The following TTN variants were observed in gnomAD, a reference collection of about 807,000 sequenced individuals.
The protein encoded by TTN is connectin.
A neutral mutation model predicts 3,223.0 loss-of-function variants in TTN; 1,525 were observed. That is an observed-to-expected ratio of 0.47 (90% CI 0.45 to 0.49). The LOEUF (loss-of-function observed/expected upper bound fraction) is 0.49. Ranked by LOEUF, TTN falls within the 20% of genes least tolerant of loss-of-function variation. TTN has a pLI of 0.00. For synonymous variants in TTN, 14,094 were observed against 15,161.0 expected (o/e 0.93, Z 5.17); for missense variants, 40,786 against 43,424.0 (o/e 0.94, Z 5.40).
rs1489431674 is a variant in TTN, at chr2:178,564,247, A to G, written c.81885T>C (p.Leu27295=). The change falls in exon 326 of 363, where the codon CTT becomes CTC. Residue 27295 remains leucine (L), a synonymous_variant. Coordinates refer to ENST00000589042, the MANE Select transcript of TTN (RefSeq NM_001267550.2). ...TAGGTTTGCCACGGATGTCGGCTTC[A>G]AGAACAAAAGTCTCTCCTGCATGAA... is the stretch of plus-strand genomic sequence containing the variant. ...IVVHAGETFV[L]EADIRGKPIP... 1.2e-6 allele frequency: 2 copies of G among 1,613,316 alleles called. No homozygotes were observed. Among genetic ancestry groups the G allele is most frequent in the East Asian group, 2.2e-5 (1 of 44,852 alleles).
chr2:178,729,614 A>G, intron 63 of TTN, 48 bp from the exon 64 acceptor site: 1 of 1,613,142 alleles, frequency 6.2e-7, no homozygotes, highest in Non-Finnish European at 8.5e-7. Context: ...GAAGACCCCA[A>G]ACTTATCAGG....
At chr2:178,757,188 CAGTA>C (rs757553522) in intron 45 of TTN, among the ~76,000 whole-genome samples, 4 of 146,896 alleles carry the variant, frequency 2.7e-5, no homozygotes, top group African/African-American at 8.0e-5. Context: ...ACTTTAAGTA[CAGTA>C]AGTAATACTG....
intron 278 of TTN, 57 bp from the exon 279 acceptor site, chr2:178,605,770 T>G: frequency 7.6e-7 from 1 of 1,317,708 alleles, no homozygotes; most frequent in Non-Finnish European, 1.0e-6. Flanking sequence ...ATGTAAGAAA[T>G]AATATTTCAC....
chr2:178,535,925 A>G, intron 357 of TTN, 57 bp downstream of exon 357: 1 of 1,511,512 alleles, frequency 6.6e-7, no homozygotes, highest in Non-Finnish European at 8.8e-7. Flanking sequence ...AATAGCCTCC[A>G]CCCCCAAGTT....
chr2:178,694,668 C>T lies in TTN; in HGVS notation c.31357G>A (p.Val10453Ile), dbSNP rs980421316. ...TTTTGTGGAACAATCTTCTTTGAAA[C>T]TTCAGGTACTTTAAAAATATGTACA... ...EKVQVTKVPE[V>I]SKKIVPQKPS... Residue 10453 changes from valine (V) to isoleucine (I), a missense_variant, in exon 117 of 363, where the codon GTT becomes ATT. Transcript: ENST00000589042. 5.8e-6 allele frequency: 9 copies of T among 1,549,398 alleles called. No individual in the cohort carries two copies. Among genetic ancestry groups the T allele is most frequent in the African/African-American group, 5.5e-5 (4 of 72,872 alleles).
chr2:178,534,553 T>C lies in TTN; in HGVS notation c.102062A>G (p.Gln34021Arg). 2 of 1,613,890 alleles carry C rather than the reference T, an allele frequency of 1.2e-6. No individual in the cohort carries two copies. Among genetic ancestry groups the C allele is most frequent in the Non-Finnish European group, 1.7e-6 (2 of 1,179,806 alleles). The change falls in exon 358 of 363, where the codon CAA (glutamine) becomes CGA (arginine). Residue 34021 changes from glutamine (Q) to arginine (R), a missense_variant. Physicochemically the swap from Gln to Arg is conservative, Grantham distance 43. Transcript: ENST00000589042. Reference protein sequence around the residue: ...GINPFLAETNQQIIENIMNAE... With the variant: ...GINPFLAETNRQIIENIMNAE... ...ATTCATGATATTCTCAATGATCTGTTGGTTAGTTTCAGCCAGGAATGGGTT... is the reference window on the plus strand; with the variant it reads ...ATTCATGATATTCTCAATGATCTGTCGGTTAGTTTCAGCCAGGAATGGGTT...
rs1242596248 is a variant in TTN at position 178,712,586 on chromosome 2, G to C, written c.27336C>G (p.Ala9112=). 1 of 1,612,140 alleles carries C rather than the reference G, an allele frequency of 6.2e-7. No homozygotes were observed. Among genetic ancestry groups the C allele is most frequent in the Non-Finnish European group, 8.5e-7 (1 of 1,178,936 alleles). ...CTTHLYIKAP[A]KFVKRLNDYS... is the part of the protein sequence containing the mutation. The stretch of plus-strand genomic sequence containing the variant: ...AATCATTCAGCCTCTTCACAAATTT[G>C]GCTGGGGCTAAAGTGACCAAATTGA... Residue 9112 remains alanine, a synonymous_variant, in exon 95 of 363, where the codon GCC becomes GCG. Coordinates refer to ENST00000589042, the MANE Select transcript of TTN (RefSeq NM_001267550.2).
intron 86 of TTN, 22 bp from the exon 87 acceptor site, chr2:178,717,832 T>C (rs747876012): frequency 1.3e-6 from 2 of 1,586,704 alleles, no homozygotes; most frequent in Non-Finnish European, 1.7e-6. Flanking sequence ...TTACAGATAA[T>C]CCTTATTTAC....
chr2:178,650,898 T>C (rs2062827823), intron 208 of TTN, 64 bp from the exon 209 acceptor site: 7 of 1,485,946 alleles, frequency 4.7e-6, no homozygotes, highest in Non-Finnish European at 6.4e-6. Flanking sequence ...TTATACCACA[T>C]CGACTTCACA....
intron 294 of TTN, among the ~76,000 whole-genome samples, chr2:178,597,027 A>T (rs2051864657): frequency 6.6e-6 from 1 of 152,148 alleles, no homozygotes; most frequent in South Asian, 2.1e-4. Flanking sequence ...GTAGAGTCTC[A>T]TGATGTGAAA....
chr2:178,715,508 A>T lies in TTN; in HGVS notation c.25906T>A (p.Ser8636Thr), dbSNP rs1448059327. 1.9e-6 allele frequency: 3 copies of T among 1,611,800 alleles called. No individual in the cohort carries two copies. The highest frequency in any genetic ancestry group is 2.5e-6 in the Non-Finnish European group (3 of 1,178,306). Residue 8636 changes from serine (S) to threonine (T), a missense_variant, in exon 89 of 363, where the codon TCC becomes ACC. By Grantham distance (58) the Ser-to-Thr change is moderately conservative. Transcript: ENST00000589042. The stretch of plus-strand genomic sequence containing the variant: ...GAGCGCTGACCTTTAACTTTTAAGG[A>T]TGTGCTGCTGCTGGCACTGCCTGCT... ...NAAGSASSST[S>T]LKVKEPPIFR... is the part of the protein sequence containing the mutation.
chr2:178,682,191 T>G (rs1456941881), intron 135 of TTN, among the ~76,000 whole-genome samples: 1 of 152,018 alleles, frequency 6.6e-6, no homozygotes, highest in Non-Finnish European at 1.5e-5. Flanking sequence ...CTTCATTAGG[T>G]AAAACACAAC....
rs1553488294 is a variant in TTN, at chr2:178,532,160, A to G, written c.104455T>C (p.Tyr34819His). 1 of 1,613,700 alleles carries G rather than the reference A, an allele frequency of 6.2e-7. No individual in the cohort carries two copies. Among genetic ancestry groups the G allele is most frequent in the Non-Finnish European group, 8.5e-7 (1 of 1,179,816 alleles). The part of the protein sequence containing the change: ...VTEITEIEEE[Y>H]EISKHAQRES... ...CTTTGAGCATGTTTTGAGATTTCGT[A>G]TTCTTCCTCAATTTCTGTTATTTCT... Residue 34819 changes from tyrosine (Y) to histidine (H), a missense_variant, in exon 358 of 363, where the codon TAC (tyrosine) becomes CAC (histidine). Tyr to His is a moderately conservative substitution (Grantham distance 83, BLOSUM62 2). Transcript: ENST00000589042.
At chr2:178,530,171 T>C (rs1688458743) in intron 358 of TTN, 55 bp from the exon 359 acceptor site, 4 of 1,565,100 alleles carry the variant, frequency 2.6e-6, no homozygotes, top group Admixed American at 2.1e-5. Context: ...TAAGCTTTTT[T>C]TGGGAAGCTG....
intron 71 of TTN, 63 bp from the exon 72 acceptor site, chr2:178,724,601 C>A (rs2079015691): frequency 3.4e-6 from 5 of 1,471,124 alleles, no homozygotes; most frequent in Non-Finnish European, 4.5e-6. Flanking sequence ...TCTACTATCA[C>A]ATTCACTAAG....
chr2:178,799,000 C>T (rs1334249387), intron 6 of TTN: 1 of 170,024 alleles, frequency 5.9e-6, no homozygotes, highest in Non-Finnish European at 1.3e-5. Context: ...TTCAATTTAC[C>T]TGTGGACAGT....
At chr2:178,694,036 T>C in intron 117 of TTN, 28 bp from the exon 118 acceptor site, 1 of 1,558,126 alleles carries the variant, frequency 6.4e-7, no homozygotes, top group Non-Finnish European at 8.8e-7. Flanking sequence ...CACATTAGTA[T>C]TCCTTTTTTT....
chr2:178,691,947 T>C (rs754670545), intron 121 of TTN, 69 bp downstream of exon 121: 59 of 1,322,366 alleles, frequency 4.5e-5, no homozygotes, highest in Non-Finnish European at 5.8e-5. Flanking sequence ...ATAGTACATA[T>C]GAAGATCGTA....
intron 110 of TTN, 72 bp downstream of exon 110, chr2:178,701,456 A>G (rs781626290): frequency 1.4e-5 from 21 of 1,501,348 alleles, no homozygotes; most frequent in Non-Finnish European, 1.9e-5. Flanking sequence ...TCGCTGGTAT[A>G]AAATTTCGTA....
Sources: allele counts gnomAD v4.1 joint callset (sites outside exome capture counted in the v4.1 genomes callset), GRCh38; gene constraint gnomAD v4.1.1; transcripts MANE v1.5; gene names NCBI Gene and HGNC (gene_info 2026-07-23, HGNC 2026-07-21).